Variants in SNRPB observed in about 807,000 individuals in gnomAD.
SNRPB encodes the protein small nuclear ribonucleoprotein polypeptides B and B1.
Under a neutral mutation model 26.6 loss-of-function variants are expected in SNRPB, and 5 were observed. The ratio of observed to expected loss-of-function variants is 0.19; its 90% CI spans 0.10 to 0.39. The LOEUF is 0.39. Among genes scored for constraint, SNRPB ranks in the 10% least tolerant of loss-of-function variants. SNRPB has a pLI of 1.00. For synonymous variants in SNRPB, 122 were observed against 105.8 expected, an observed-to-expected ratio of 1.15 and a Z score of -0.94; for missense variants, 211 against 311.9, an observed-to-expected ratio of 0.68 and a Z score of 2.44.
rs142277195 is a variant in SNRPB, at chr20:2,462,031, TGAG to T, written c.686-95_686-93del. 2.7e-3 allele frequency: 2,280 copies of T among 855,646 alleles called. 34 individuals carry two copies. In the African/African-American group the frequency reaches 0.034, roughly 13 times the overall value. 53.0% of individuals were successfully genotyped at this position (855,646 alleles called of 1,614,324 possible). On this transcript the variant is annotated intron_variant, in intron 6 of 6. Coordinates refer to ENST00000381342, the MANE Select transcript of SNRPB (RefSeq NM_003091.4). ...CCTCCCACGCCCTGCAGTAATCGAG[TGAG>T]GAGAGGGGTATACATGGCATATGTG...
intron 3 of SNRPB, 109 bp from the exon 4 acceptor site, chr20:2,464,008 G>A (rs1276654092): frequency 6.5e-6 from 6 of 918,834 alleles, no homozygotes; most frequent in African/African-American, 1.7e-5. Flanking sequence ...AAATACTATC[G>A]AAATAGCTTA....
intron 2 of SNRPB, chr20:2,467,364 AAAGT>A: frequency 1.7e-6 from 1 of 603,072 alleles, no homozygotes; most frequent in South Asian, 1.6e-5. Flanking sequence ...AGGGGCACGC[AAAGT>A]GAGAGAAACA....
intron 2 of SNRPB, chr20:2,467,104 T>C (rs757558201): frequency 3.0e-5 from 9 of 301,526 alleles, no homozygotes; most frequent in Non-Finnish European, 5.9e-5. Context: ...TACGGAATTG[T>C]AGCAAAGTAG....
At position 2,465,838 on chromosome 20, in the gene SNRPB, G is replaced by A. The variant is rs1255034352; in HGVS notation, c.156-19C>T. 4 of 1,601,026 alleles carry A rather than the reference G, an allele frequency of 2.5e-6. No homozygotes were observed. The highest frequency in any genetic ancestry group is 3.4e-5 in the Admixed American group (2 of 59,196). ...CTTTGGCCTAAAGAGAGGTTTAGAA[G>A]GAACAAAAAAAGTGTTAGAGGTGGG... On this transcript the variant is annotated intron_variant, in intron 2 of 6. Transcript: ENST00000381342.
intron 5 of SNRPB, 24 bp from the exon 6 acceptor site, chr20:2,462,785 T>C: frequency 6.6e-7 from 1 of 1,514,566 alleles, no homozygotes; most frequent in Non-Finnish European, 8.8e-7. Context: ...GCCCCAAGAA[T>C]ATAGCTCAAG....
chr20:2,464,015 C>A (rs923615323), intron 3 of SNRPB, 116 bp from the exon 4 acceptor site: 1 of 835,870 alleles, frequency 1.2e-6, no homozygotes, highest in Non-Finnish European at 2.0e-6. Flanking sequence ...ATCGAAATAG[C>A]TTATAAATAC....
rs762647736 is a variant in SNRPB at position 2,461,958 on chromosome 20, G to A, written c.686-19C>T. 1.3e-6 allele frequency: 2 copies of A among 1,593,068 alleles called. No individual in the cohort carries two copies. The highest frequency in any genetic ancestry group is 2.2e-5 in the East Asian group (1 of 44,732). ...AGAAGGCCTGAAGTAAGAGTAAGAA[G>A]TTTAGTCAGTGCCTGATCTGCAACT... On this transcript the variant is annotated intron_variant, in intron 6 of 6. Coordinates refer to ENST00000381342, the MANE Select transcript of SNRPB (RefSeq NM_003091.4).
chr20:2,463,873 A>G lies in SNRPB; in HGVS notation c.294T>C (p.Ala98=). Reference sequence around the variant, plus strand: ...CGATCCCTGGGCCCCCGGCAGCTCCAGCAAGTGGAACTCGAGCAATACCAG... The same window carrying G: ...CGATCCCTGGGCCCCCGGCAGCTCCGGCAAGTGGAACTCGAGCAATACCAG... The part of the protein sequence containing the change: ...KDTGIARVPL[A]GAAGGPGIGR... Residue 98 remains alanine (A), a synonymous_variant, in exon 4 of 7, where the codon GCT becomes GCC. Transcript: ENST00000381342. The surrounding 1 kb of genome is among the most constrained non-coding windows in gnomAD (Gnocchi z 5.0). 6.2e-7 allele frequency: 1 copy of G among 1,613,702 alleles called. No individual in the cohort carries two copies. The highest frequency in any genetic ancestry group is 8.5e-7 in the Non-Finnish European group (1 of 1,179,832).
chr20:2,461,649 C>A lies in SNRPB; in HGVS notation c.*280G>T. On this transcript the variant is annotated 3_prime_UTR_variant, in exon 7 of 7. Coordinates refer to ENST00000381342, the MANE Select transcript of SNRPB (RefSeq NM_003091.4). ...GATCCATAGGTGCAATTATAATGTT[C>A]TCTTAAGAGTTTATTATAAACCAGT... 1 of 728,394 alleles carries A rather than the reference C, an allele frequency of 1.4e-6. No individual in the cohort carries two copies. The highest frequency in any genetic ancestry group is 2.2e-6 in the Non-Finnish European group (1 of 451,432). 45.1% of individuals were successfully genotyped at this position (728,394 alleles called of 1,614,324 possible). A position where few individuals can be genotyped will look rare whatever the true frequency, so the allele number is the denominator to read the frequency against.
In SNRPB at chr20:2,463,825, G is replaced by C. The variant is rs1253754266; in HGVS notation, c.342C>G (p.Ile114Met). The change falls in exon 4 of 7, where the codon ATC (isoleucine) becomes ATG (methionine). Residue 114 changes from isoleucine to methionine, a missense_variant. Physicochemically the swap from Ile to Met is conservative, Grantham distance 10. Transcript: ENST00000381342. This position sits in a 1 kb window ranked among gnomAD's most constrained non-coding sequence, Gnocchi z 5.0. ...CCTGGGGCATGGGAACCCCAGCTGGGATTCCTCTGCCAGCAGCCCTGCCGA... is the reference window on the plus strand; with the variant it reads ...CCTGGGGCATGGGAACCCCAGCTGGCATTCCTCTGCCAGCAGCCCTGCCGA... ...PGIGRAAGRG[I>M]PAGVPMPQAP... The C allele has an allele frequency of 5.0e-6, 8 of 1,613,114 alleles. No individual in the cohort carries two copies. Among genetic ancestry groups the C allele is most frequent in the Non-Finnish European group, 6.8e-6 (8 of 1,179,578 alleles).
At chr20:2,465,390 CTTTTTTTTTTTTTTGTCT>C (rs1309620145) in intron 3 of SNRPB, among the ~76,000 whole-genome samples, 21 of 122,300 alleles carry the variant, frequency 1.7e-4, no homozygotes, top group Admixed American at 1.4e-3. Flanking sequence ...AGGGTAACCT[CTTTTTTTTTTTTTTGTCT>C]TTTTTTTTTT....
intron 3 of SNRPB, among the ~76,000 whole-genome samples, chr20:2,464,488 A>C (rs1369154469): frequency 6.6e-6 from 1 of 152,220 alleles, no homozygotes; most frequent in Non-Finnish European, 1.5e-5. Context: ...AAAACGTAAA[A>C]ATCTCCAAAA....
At chr20:2,470,572 C>T in intron 1 of SNRPB, 116 bp downstream of exon 1, 1 of 1,328,218 alleles carries the variant, frequency 7.5e-7, no homozygotes, top group Non-Finnish European at 1.1e-6. Context: ...CGGCCTCGGC[C>T]CAGGCCTTCA....
Position 2,461,693 on chromosome 20 carries a change from A to T in SNRPB, c.*236T>A. 1 of 1,165,254 alleles carries T rather than the reference A, an allele frequency of 8.6e-7. No individual in the cohort carries two copies. The highest frequency in any genetic ancestry group is 1.2e-6 in the Non-Finnish European group (1 of 821,162). The allele number at this position is 1,165,254 out of a possible 1,614,324, so 72.2% of individuals were successfully genotyped here. A position where few individuals can be genotyped will look rare whatever the true frequency, so the allele number is the denominator to read the frequency against. ...AACCAGTTTCATAGGCCACAAGGAG[A>T]TAAAAGGACTATGTACAGCCTTACG... is the stretch of plus-strand genomic sequence containing the variant. On this transcript the variant is annotated 3_prime_UTR_variant, in exon 7 of 7. Coordinates refer to ENST00000381342, the MANE Select transcript of SNRPB (RefSeq NM_003091.4).
At position 2,461,928 on chromosome 20, in the gene SNRPB, G is replaced by T. The variant is rs2085036673; in HGVS notation, c.*1C>A. The T allele has an allele frequency of 6.2e-7, 1 of 1,612,562 alleles. No homozygotes were observed. The highest frequency in any genetic ancestry group is 2.2e-5 in the East Asian group (1 of 44,868). On this transcript the variant is annotated 3_prime_UTR_variant, in exon 7 of 7. Transcript: ENST00000381342. The stretch of plus-strand genomic sequence containing the variant: ...CTACTTCCATACTCTGTGGCCAAGG[G>T]TCAAAGAAGGCCTGAAGTAAGAGTA...
At chr20:2,469,445 A>G (rs1326831246) in intron 1 of SNRPB, among the ~76,000 whole-genome samples, 2 of 152,184 alleles carry the variant, frequency 1.3e-5, no homozygotes, top group Admixed American at 6.5e-5. Flanking sequence ...TAATCCCAGC[A>G]CTTTGGGAGG....
chr20:2,467,839 C>A, intron 1 of SNRPB, 81 bp from the exon 2 acceptor site: 1 of 1,337,232 alleles, frequency 7.5e-7, no homozygotes, highest in South Asian at 1.3e-5. Context: ...CTTCCCATGG[C>A]GTTCTTGTCC....
chr20:2,467,229 A>C (rs1435062184), intron 2 of SNRPB: 4 of 463,792 alleles, frequency 8.6e-6, no homozygotes, highest in African/African-American at 6.0e-5. Context: ...GCAGTTTCAG[A>C]CCAGGCTGCA....
chr20:2,470,586 C>A, intron 1 of SNRPB, 102 bp downstream of exon 1: 1 of 1,472,074 alleles, frequency 6.8e-7, no homozygotes, highest in Non-Finnish European at 9.4e-7. Flanking sequence ...GCCTTCACCG[C>A]CCTAAGTGGC....
Sources: gnomAD v4.1 joint callset for allele counts (sites outside exome capture counted in the v4.1 genomes callset) on GRCh38, gnomAD v4.1.1 for gene constraint, Gnocchi (gnomAD v3.1) non-coding constraint, MANE v1.5 for transcripts, NCBI Gene and HGNC (gene_info 2026-07-23, HGNC 2026-07-21) for gene names.